The following CLSTN1 variants were observed in gnomAD, a reference collection of about 807,000 sequenced individuals.
CLSTN1 encodes the protein calsyntenin 1, also known as calsyntenin-1.
Under a neutral mutation model 108.3 loss-of-function variants are expected in CLSTN1, and 28 were observed. The observed-to-expected ratio is 0.26, with a 90% confidence interval of 0.19 to 0.35. CLSTN1 has a LOEUF of 0.35. CLSTN1 is among the 10% of genes least tolerant of loss of function. CLSTN1 has a pLI of 1.00. For missense variants in CLSTN1, 1,157 were observed against 1,302.6 expected (o/e 0.89, Z 1.72); for synonymous variants, 524 against 534.9 (o/e 0.98, Z 0.28).
intron 1 of CLSTN1, among the ~76,000 whole-genome samples, chr1:9,805,528 CTAAGT>C (rs1654467572): frequency 6.6e-6 from 1 of 152,140 alleles, no homozygotes; most frequent in African/African-American, 2.4e-5. Context: ...AGTCTTCTTA[CTAAGT>C]TGTTTCTGGT....
intron 9 of CLSTN1, among the ~76,000 whole-genome samples, chr1:9,742,309 T>C (rs1204200106): frequency 2.0e-5 from 3 of 152,154 alleles, no homozygotes; most frequent in Non-Finnish European, 4.4e-5. Context: ...TGAAATGCTC[T>C]ATTTGGGATT....
chr1:9,808,724 T>G (rs1275076590), intron 1 of CLSTN1, among the ~76,000 whole-genome samples: 1 of 152,124 alleles, frequency 6.6e-6, no homozygotes, highest in Non-Finnish European at 1.5e-5. Context: ...GGCCTCAATC[T>G]GACCAGAACT....
chr1:9,784,348 A>T (rs756627248), intron 1 of CLSTN1, among the ~76,000 whole-genome samples: 31 of 145,566 alleles, frequency 2.1e-4, no homozygotes, highest in Non-Finnish European at 3.2e-4. Flanking sequence ...CCTCTTGAAT[A>T]AAAAAAAAAA....
chr1:9,821,864 C>T (rs980268050), intron 1 of CLSTN1, among the ~76,000 whole-genome samples: 3 of 152,086 alleles, frequency 2.0e-5, no homozygotes, highest in African/African-American at 7.2e-5. Context: ...GTAACTGCAC[C>T]AAGAAAAACT....
intron 1 of CLSTN1, among the ~76,000 whole-genome samples, chr1:9,774,873 G>C (rs536586611): frequency 1.7e-3 from 256 of 152,254 alleles, no homozygotes; most frequent in Non-Finnish European, 2.5e-3. Flanking sequence ...GCTAAACGAA[G>C]GGTGGATTAT....
intron 1 of CLSTN1, among the ~76,000 whole-genome samples, chr1:9,808,601 C>T (rs910446353): frequency 5.3e-5 from 8 of 152,252 alleles, no homozygotes; most frequent in South Asian, 4.1e-4. Context: ...AATTACTAGA[C>T]GATCCCATGA....
rs761036714 is a variant in CLSTN1 at position 9,735,037 on chromosome 1, T to G, written c.2021A>C (p.Glu674Ala). 6.2e-7 allele frequency: 1 copy of G among 1,614,076 alleles called. No individual in the cohort carries two copies. Among genetic ancestry groups the G allele is most frequent in the East Asian group, 2.2e-5 (1 of 44,892 alleles). Residue 674 changes from glutamate to alanine, a missense_variant, in exon 14 of 19, where the codon GAA becomes GCA. Physicochemically the swap from Glu to Ala is moderately radical, Grantham distance 107 (BLOSUM62 -1). Transcript: ENST00000377298. ...AAGCTCAGGGAAAAGGAACACCCCT[T>G]CTGAGCTTTCAAATTCAGAAGCTGC... ...ARAASEFESS[E>A]GVFLFPELRI...
At chr1:9,769,561 T>A (rs959314674) in intron 2 of CLSTN1, among the ~76,000 whole-genome samples, 1 of 152,196 alleles carries the variant, frequency 6.6e-6, no homozygotes, top group African/African-American at 2.4e-5. Flanking sequence ...TGCATTTACA[T>A]GATTATCCAG....
Position 9,823,908 on chromosome 1 carries a change from CG to C in CLSTN1, c.-176del, listed in dbSNP as rs1655296063. The C allele has an allele frequency of 5.8e-6, 1 of 172,068 alleles. No individual in the cohort carries two copies. The highest frequency in any genetic ancestry group is 2.4e-5 in the African/African-American group (1 of 41,486). The allele number at this position is 172,068 out of a possible 1,614,324, so 10.7% of individuals were successfully genotyped here. ...GACGCTGGGCCGCGCGCTCAGGACG[CG>C]GCGCCCTCCCCGCCTCAGAGCAGCG... On this transcript the variant is annotated 5_prime_UTR_variant, in exon 1 of 19. Coordinates refer to ENST00000377298, the MANE Select transcript of CLSTN1 (RefSeq NM_001009566.3). The surrounding 1 kb of genome is among the most constrained non-coding windows in gnomAD (Gnocchi z 6.3).
rs1025370903 is a variant in CLSTN1 at position 9,791,062 on chromosome 1, G to A, written c.92-17668C>T. On this transcript the variant is annotated intron_variant, in intron 1 of 18. Transcript: ENST00000377298. The stretch of plus-strand genomic sequence containing the variant: ...CAGGAGAATGGCGTGAACCCGGGAG[G>A]CGGGAGGAGGCAGAACTTGCAGTGA... Among the ~76,000 whole-genome samples the A allele has an allele frequency of 3.3e-5, 5 of 150,348 alleles. No homozygotes were observed. In the East Asian group the frequency reaches 8.1e-4, roughly 24 times the overall value.
At chr1:9,762,414 T>G (rs1419993471) in intron 2 of CLSTN1, among the ~76,000 whole-genome samples, 4 of 150,144 alleles carry the variant, frequency 2.7e-5, no homozygotes, top group South Asian at 2.1e-4. Flanking sequence ...TGAGCCGAGA[T>G]CACGCCACTG....
At chr1:9,777,215 C>A (rs532341434) in intron 1 of CLSTN1, among the ~76,000 whole-genome samples, 1 of 92,250 alleles carries the variant, frequency 1.1e-5, no homozygotes, top group Non-Finnish European at 2.0e-5. Context: ...GCGAGACTGT[C>A]TCAAAAAAAA....
rs1382069408 is a variant in CLSTN1, at chr1:9,820,594, C to A, written c.91+3049G>T. On this transcript the variant is annotated intron_variant, in intron 1 of 18. Transcript: ENST00000377298. Reference sequence around the variant, plus strand: ...ATTTTTTTCAGTATATAGCATTTATCTGTAAAGTGAAAATTAGGATGCAAA... The same window carrying A: ...ATTTTTTTCAGTATATAGCATTTATATGTAAAGTGAAAATTAGGATGCAAA... Among the ~76,000 whole-genome samples the A allele has an allele frequency of 2.0e-5, 3 of 152,150 alleles. No homozygotes were observed. The East Asian group carries it at 5.8e-4, about 29-fold the overall frequency.
intron 1 of CLSTN1, among the ~76,000 whole-genome samples, chr1:9,790,582 G>A (rs142829610): frequency 1.5e-4 from 22 of 151,526 alleles, no homozygotes; most frequent in African/African-American, 4.8e-4. Context: ...TATTTTGTCA[G>A]TATATTTCAA....
intron 2 of CLSTN1, among the ~76,000 whole-genome samples, chr1:9,768,624 A>ACCATGGGGGCGGGGTTCTGTGTTGGGTGG (rs1652487330): frequency 2.8e-4 from 8 of 28,752 alleles, no homozygotes; most frequent in African/African-American, 9.7e-4. Flanking sequence ...GTGTTGGGTG[A>ACCATGGGGGCGGGGTTCTGTGTTGGGTGG]CACCATGGGG....
chr1:9,735,680 G>A, intron 12 of CLSTN1, 65 bp from the exon 13 acceptor site: 1 of 1,599,162 alleles, frequency 6.3e-7, no homozygotes, highest in South Asian at 1.1e-5. Flanking sequence ...TGAAACCACA[G>A]ATGCCTCCAC....
intron 2 of CLSTN1, among the ~76,000 whole-genome samples, chr1:9,772,485 C>G (rs1265725303): frequency 1.3e-5 from 2 of 152,034 alleles, no homozygotes; most frequent in East Asian, 3.9e-4. Flanking sequence ...AGGAGAAGAT[C>G]TGATCTGGAA....
chr1:9,753,255 T>C (rs553220347), intron 4 of CLSTN1, among the ~76,000 whole-genome samples: 2 of 152,150 alleles, frequency 1.3e-5, no homozygotes, highest in African/African-American at 4.8e-5. Context: ...TGACAGGAGG[T>C]GGAGCTCGGG....
chr1:9,788,821 T>C (rs1352953795), intron 1 of CLSTN1, among the ~76,000 whole-genome samples: 1 of 126,392 alleles, frequency 7.9e-6, no homozygotes, highest in Non-Finnish European at 1.5e-5. Context: ...TGAGCCAAGA[T>C]CACGCCACTG....
Sources: gnomAD v4.1 joint callset for allele counts (sites outside exome capture counted in the v4.1 genomes callset) on GRCh38, gnomAD v4.1.1 for gene constraint, Gnocchi (gnomAD v3.1) non-coding constraint, MANE v1.5 for transcripts, NCBI Gene and HGNC (gene_info 2026-07-23, HGNC 2026-07-21) for gene names.